Variants in SDK2 observed in about 807,000 individuals in gnomAD.
SDK2 encodes the protein sidekick cell adhesion molecule 2, also known as protein sidekick-2.
SDK2 carries 105 observed loss-of-function variants against 253.9 expected under a neutral mutation model. The observed-to-expected ratio is 0.41, with a 90% CI of 0.35 to 0.49. SDK2 has a LOEUF of 0.49. Ranked by LOEUF, SDK2 falls within the 20% of genes least tolerant of loss-of-function variation. SDK2 has a pLI of 0.06. For synonymous variants in SDK2, 1,249 were observed against 1,234.9 expected (o/e 1.01, Z -0.24); for missense variants, 2,608 against 3,003.0 (o/e 0.87, Z 3.07).
intron 5 of SDK2, among the ~76,000 whole-genome samples, chr17:73,445,996 A>G (rs554390882): frequency 9.2e-5 from 14 of 152,216 alleles, no homozygotes; most frequent in Middle Eastern, 3.4e-3. Flanking sequence ...AATGACTCCC[A>G]AAGTCAGACA....
chr17:73,528,418 G>A (rs1457362802), intron 1 of SDK2, among the ~76,000 whole-genome samples: 2 of 152,220 alleles, frequency 1.3e-5, no homozygotes, highest in Non-Finnish European at 2.9e-5. Flanking sequence ...AAGTCCACAT[G>A]ACAATCCTCC....
intron 3 of SDK2, among the ~76,000 whole-genome samples, chr17:73,466,998 G>A (rs1349608161): frequency 2.6e-5 from 4 of 152,124 alleles, no homozygotes; most frequent in Non-Finnish European, 4.4e-5. Context: ...AGGCACAAGG[G>A]CCATGCCTGG....
At chr17:73,466,448 G>A (rs2063597797) in intron 3 of SDK2, among the ~76,000 whole-genome samples, 1 of 152,158 alleles carries the variant, frequency 6.6e-6, no homozygotes, top group African/African-American at 2.4e-5. Flanking sequence ...GGTCACTTGT[G>A]GGAGGTGAGT....
chr17:73,608,910 G>A (rs1012642105), intron 1 of SDK2, among the ~76,000 whole-genome samples: 6 of 152,320 alleles, frequency 3.9e-5, no homozygotes, highest in South Asian at 2.1e-4. Context: ...GGCTGGCACC[G>A]TGTCGCAGCG....
chr17:73,521,760 G>C (rs1316652825), intron 1 of SDK2, among the ~76,000 whole-genome samples: 1 of 143,062 alleles, frequency 7.0e-6, no homozygotes, highest in African/African-American at 2.4e-5. Context: ...GCTCGAGACA[G>C]AGTCAACACC....
intron 18 of SDK2, among the ~76,000 whole-genome samples, chr17:73,414,009 G>A (rs568332733): frequency 1.6e-4 from 25 of 152,020 alleles, no homozygotes; most frequent in African/African-American, 6.0e-4. Context: ...TGGGGCCATG[G>A]CTATACCAGG....
intron 36 of SDK2, among the ~76,000 whole-genome samples, chr17:73,374,892 A>C (rs539735880): frequency 6.6e-6 from 1 of 152,174 alleles, no homozygotes; most frequent in African/African-American, 2.4e-5. Flanking sequence ...ATGCCTCCCC[A>C]TAGCTTCTGG....
rs890489630 is a variant in SDK2, at chr17:73,616,264, G to C, written c.64+27761C>G. The stretch of plus-strand genomic sequence containing the variant: ...AGCCCCAGGCATCCCGGTGCTGCTT[G>C]CCTTCCCCACCCTCTCCCCGCCTGT... On this transcript the variant is annotated intron_variant, in intron 1 of 44. Transcript: ENST00000392650. This position sits in a 1 kb window ranked among gnomAD's most constrained non-coding sequence, Gnocchi z 5.2. Among the ~76,000 whole-genome samples the C allele has an allele frequency of 3.3e-5, 5 of 152,032 alleles. No individual in the cohort carries two copies. Among genetic ancestry groups the C allele is most frequent in the Admixed American group, 6.6e-5 (1 of 15,264 alleles).
intron 2 of SDK2, among the ~76,000 whole-genome samples, chr17:73,497,140 C>T (rs1437993436): frequency 6.6e-6 from 1 of 152,208 alleles, no homozygotes; most frequent in Non-Finnish European, 1.5e-5. Flanking sequence ...TCAGGTGATC[C>T]ACCCACCTTG....
chr17:73,600,829 C>T (rs1229766613), intron 1 of SDK2, among the ~76,000 whole-genome samples: 1 of 152,240 alleles, frequency 6.6e-6, no homozygotes, highest in African/African-American at 2.4e-5. Context: ...GCAGCTCAGA[C>T]GGACTAATCC....
chr17:73,603,162 T>C (rs2045863970), intron 1 of SDK2, among the ~76,000 whole-genome samples: 1 of 152,148 alleles, frequency 6.6e-6, no homozygotes. Flanking sequence ...GCAATGTCAT[T>C]CCCTGCTGAG....
At chr17:73,475,553 G>C (rs527852485) in intron 2 of SDK2, among the ~76,000 whole-genome samples, 1 of 152,314 alleles carries the variant, frequency 6.6e-6, no homozygotes, top group South Asian at 2.1e-4. Flanking sequence ...ACAAACGAAA[G>C]CTAGAAGCAA....
rs897632543 is a variant in SDK2 at position 73,466,723 on chromosome 17, C to A, written c.331+5389G>T. 1.2e-4 allele frequency among the ~76,000 whole-genome samples: 17 copies of A among 146,790 alleles called. 2 individuals are homozygous for A. The highest frequency in any genetic ancestry group is 2.2e-4 in the South Asian group (1 of 4,626). On this transcript the variant is annotated intron_variant, in intron 3 of 44. Coordinates refer to ENST00000392650, the MANE Select transcript of SDK2 (RefSeq NM_001144952.2). ...TGGAGGCTCTGGGGAACGCCCCCCC[C>A]CCCCGGCTTAGGCTCTGCATCTTTG...
chr17:73,463,195 A>G (rs2063575669), intron 3 of SDK2, among the ~76,000 whole-genome samples: 1 of 152,224 alleles, frequency 6.6e-6, no homozygotes, highest in African/African-American at 2.4e-5. Context: ...ACGCCGTGTT[A>G]TGCCCTGCAG....
rs377734783 is a variant in SDK2 at position 73,345,040 on chromosome 17, C to T, written c.6165+3559G>A. Among the ~76,000 whole-genome samples the T allele has an allele frequency of 8.9e-4, 136 of 152,248 alleles. No homozygotes were observed. The South Asian group carries it at 0.011, about 12-fold the overall frequency. ...CAGGAAAGAAACAGAAAGACTTGGCCGGGTGCGGTGGCTCACGCCTGTAAT... is the reference window on the plus strand; with the variant it reads ...CAGGAAAGAAACAGAAAGACTTGGCTGGGTGCGGTGGCTCACGCCTGTAAT... On this transcript the variant is annotated intron_variant, in intron 44 of 44. Transcript: ENST00000392650.
At chr17:73,483,637 A>ATATG (rs1567799091) in intron 2 of SDK2, among the ~76,000 whole-genome samples, 11 of 53,082 alleles carry the variant, frequency 2.1e-4, no homozygotes, top group Non-Finnish European at 2.9e-4. Context: ...ATATGTATAT[A>ATATG]TATATGTGTG....
chr17:73,564,907 T>A (rs1302532346), intron 1 of SDK2, among the ~76,000 whole-genome samples: 1 of 151,948 alleles, frequency 6.6e-6, no homozygotes, highest in Admixed American at 6.6e-5. Context: ...GTGGAGTGGC[T>A]GCTGTTAGTT....
intron 15 of SDK2, among the ~76,000 whole-genome samples, chr17:73,420,268 T>C (rs1226352829): frequency 6.6e-6 from 1 of 152,274 alleles, no homozygotes; most frequent in Middle Eastern, 3.2e-3. Context: ...TTATTTTTGA[T>C]GGATGACTTT....
chr17:73,365,217 A>G, intron 38 of SDK2, 41 bp downstream of exon 38: 1 of 1,470,562 alleles, frequency 6.8e-7, no homozygotes, highest in Non-Finnish European at 9.1e-7. Context: ...GAGCTTTTGC[A>G]AAGTGGGGGG....
Sources: gnomAD v4.1 joint callset for allele counts (sites outside exome capture counted in the v4.1 genomes callset) on GRCh38, gnomAD v4.1.1 for gene constraint, Gnocchi (gnomAD v3.1) non-coding constraint, MANE v1.5 for transcripts, NCBI Gene and HGNC (gene_info 2026-07-23, HGNC 2026-07-21) for gene names.